Variants in GNB1 observed in about 807,000 individuals in gnomAD.
GNB1 encodes guanine nucleotide-binding protein G(I)/G(S)/G(T) subunit beta-1.
A neutral mutation model predicts 42.9 loss-of-function variants in GNB1; 2 were observed. That is an observed-to-expected ratio of 0.05 (90% CI 0.02 to 0.15). The LOEUF (loss-of-function observed/expected upper bound fraction) is 0.15. Among genes scored for constraint, GNB1 ranks in the 10% least tolerant of loss-of-function variants. The pLI is 1.00. For synonymous variants in GNB1, 183 were observed against 174.7 expected, an observed-to-expected ratio of 1.05 and a Z score of -0.38; for missense variants, 193 against 462.2, an observed-to-expected ratio of 0.42 and a Z score of 5.34.
intron 1 of GNB1, among the ~76,000 whole-genome samples, chr1:1,855,472 C>T (rs565231419): frequency 3.5e-4 from 53 of 152,214 alleles, no homozygotes; most frequent in African/African-American, 1.2e-3. Context: ...GAGGCCGAGG[C>T]GGGCGGATCA....
chr1:1,880,098 A>G (rs1476060626), intron 1 of GNB1, among the ~76,000 whole-genome samples: 1 of 151,706 alleles, frequency 6.6e-6, no homozygotes, highest in East Asian at 1.9e-4. Context: ...TGCCTGGCTA[A>G]TTTTCAAATT....
chr1:1,849,875 C>G (rs1331239257), intron 1 of GNB1, among the ~76,000 whole-genome samples: 1 of 152,116 alleles, frequency 6.6e-6, no homozygotes, highest in East Asian at 1.9e-4. Flanking sequence ...AAATTCTCAA[C>G]CATTAGCTCT....
At chr1:1,832,439 A>T (rs1251086224) in intron 2 of GNB1, among the ~76,000 whole-genome samples, 1 of 152,146 alleles carries the variant, frequency 6.6e-6, no homozygotes. Flanking sequence ...CTGATGACCC[A>T]TATCTGCCAT....
intron 1 of GNB1, among the ~76,000 whole-genome samples, chr1:1,858,104 C>T (rs1648405673): frequency 6.6e-6 from 1 of 152,158 alleles, no homozygotes; most frequent in South Asian, 2.1e-4. Context: ...CCAAAACACA[C>T]AAAATAAAAA....
chr1:1,886,304 TG>T (rs952661820), intron 1 of GNB1, among the ~76,000 whole-genome samples: 3 of 151,996 alleles, frequency 2.0e-5, no homozygotes, highest in African/African-American at 7.2e-5. Context: ...GGTGGCTGAG[TG>T]GGACTCTGTC....
intron 1 of GNB1, among the ~76,000 whole-genome samples, chr1:1,881,422 TTTTTTC>T: frequency 8.5e-6 from 1 of 118,090 alleles, no homozygotes; most frequent in African/African-American, 2.5e-5. Flanking sequence ...AAAAGTTCAT[TTTTTTC>T]TTTTTTTTTG....
At chr1:1,890,079 G>A (rs999101073) in intron 1 of GNB1, among the ~76,000 whole-genome samples, 2 of 152,120 alleles carry the variant, frequency 1.3e-5, no homozygotes, top group African/African-American at 4.8e-5. Flanking sequence ...CCATTCATTC[G>A]CGGGGCCGGG....
At chr1:1,865,015 C>T (rs1648846725) in intron 1 of GNB1, among the ~76,000 whole-genome samples, 1 of 152,178 alleles carries the variant, frequency 6.6e-6, no homozygotes, top group African/African-American at 2.4e-5. Flanking sequence ...GTAATCCCAG[C>T]ACTTTGGGAG....
At chr1:1,837,809 C>T (rs567083331) in intron 2 of GNB1, among the ~76,000 whole-genome samples, 2 of 151,948 alleles carry the variant, frequency 1.3e-5, no homozygotes, top group South Asian at 4.2e-4. Flanking sequence ...ATGATCTGCC[C>T]ACCTTGGCCT....
intron 3 of GNB1, among the ~76,000 whole-genome samples, chr1:1,821,251 A>G (rs1432758543): frequency 6.6e-6 from 1 of 152,202 alleles, no homozygotes; most frequent in Non-Finnish European, 1.5e-5. Flanking sequence ...ACTGGCTGGC[A>G]TGCCGCTCCA....
intron 1 of GNB1, among the ~76,000 whole-genome samples, chr1:1,852,988 C>T (rs1648074581): frequency 6.6e-6 from 1 of 152,156 alleles, no homozygotes; most frequent in South Asian, 2.1e-4. Flanking sequence ...TCAATCCTTT[C>T]AGATTCCACC....
chr1:1,813,592 G>C (rs1417344746), intron 5 of GNB1, among the ~76,000 whole-genome samples: 1 of 152,114 alleles, frequency 6.6e-6, no homozygotes, highest in Non-Finnish European at 1.5e-5. Flanking sequence ...CTGGGTTCAA[G>C]TGATCCTCCC....
intron 7 of GNB1, among the ~76,000 whole-genome samples, chr1:1,798,971 G>A (rs142261345): frequency 0.014 from 2,083 of 151,338 alleles, 45 homozygotes; most frequent in African/African-American, 0.048. Flanking sequence ...CCAGGTTGGA[G>A]TGCGGTGGCG....
intron 1 of GNB1, among the ~76,000 whole-genome samples, chr1:1,887,338 C>T (rs1650212394): frequency 6.6e-6 from 1 of 152,262 alleles, no homozygotes; most frequent in Admixed American, 6.5e-5. Flanking sequence ...TAGATGAAGT[C>T]TAGAGATGCC....
chr1:1,850,412 G>T (rs1276126177), intron 1 of GNB1, among the ~76,000 whole-genome samples: 2 of 151,728 alleles, frequency 1.3e-5, no homozygotes, highest in East Asian at 3.9e-4. Flanking sequence ...GGATTACAAG[G>T]GTGAGCCACC....
intron 5 of GNB1, among the ~76,000 whole-genome samples, chr1:1,812,558 T>C (rs955522399): frequency 2.6e-5 from 4 of 152,148 alleles, no homozygotes; most frequent in African/African-American, 9.7e-5. Context: ...AATATCATTT[T>C]GGTTTTCTCA....
chr1:1,871,341 T>C (rs1649236068), intron 1 of GNB1, among the ~76,000 whole-genome samples: 1 of 152,062 alleles, frequency 6.6e-6, no homozygotes. Context: ...ACATCTATAA[T>C]CTCAGCTACT....
rs150487148 is a variant in GNB1 at position 1,869,957 on chromosome 1, G to C, written c.-96+20863C>G. Reference sequence around the variant, plus strand: ...GGCTCACTGCAACCTCCACCTCCTGGGTTCAAGAGATTCTCCTGCCTTAGC... The same window carrying C: ...GGCTCACTGCAACCTCCACCTCCTGCGTTCAAGAGATTCTCCTGCCTTAGC... On this transcript the variant is annotated intron_variant, in intron 1 of 11. Transcript: ENST00000378609. Among the ~76,000 whole-genome samples the C allele has an allele frequency of 1.7e-3, 258 of 152,024 alleles. 1 individual carries two copies. The highest frequency in any genetic ancestry group is 5.9e-3 in the African/African-American group (246 of 41,446).
At position 1,858,116 on chromosome 1, in the gene GNB1, A is replaced by G. The variant is rs61774995; in HGVS notation, c.-95-18878T>C. ...TCCCCAAAACACACAAAATAAAAAC[A>G]CAACTGCACAGTCACTGGTGTTTTT... On this transcript the variant is annotated intron_variant, in intron 1 of 11. Transcript: ENST00000378609. Among the ~76,000 whole-genome samples, 606 of 152,332 alleles carry G rather than the reference A, an allele frequency of 4.0e-3. 4 individuals are homozygous for G. Among genetic ancestry groups the G allele is most frequent in the South Asian group, 0.011 (54 of 4,832 alleles).
Sources: gnomAD v4.1 joint callset for allele counts (sites outside exome capture counted in the v4.1 genomes callset) on GRCh38, gnomAD v4.1.1 for gene constraint, MANE v1.5 for transcripts, NCBI Gene and HGNC (gene_info 2026-07-23, HGNC 2026-07-21) for gene names.